Variants in CACNA2D4 observed in about 807,000 individuals in gnomAD.
The protein encoded by CACNA2D4 is calcium voltage-gated channel auxiliary subunit alpha2delta 4.
A neutral mutation model predicts 163.8 loss-of-function variants in CACNA2D4; 157 were observed. That is an observed-to-expected ratio of 0.96 (90% CI 0.84 to 1.09). The LOEUF (loss-of-function observed/expected upper bound fraction) is 1.09. Among genes scored for constraint, CACNA2D4 ranks in the 50% least tolerant of loss-of-function variants. The pLI is 0.00. For synonymous variants in CACNA2D4, 598 were observed against 586.9 expected, an observed-to-expected ratio of 1.02 and a Z score of -0.27; for missense variants, 1,410 against 1,479.9, an observed-to-expected ratio of 0.95 and a Z score of 0.78.
chr12:1,863,423 T>C (rs1490793271), intron 18 of CACNA2D4, among the ~76,000 whole-genome samples: 4 of 152,256 alleles, frequency 2.6e-5, no homozygotes, highest in African/African-American at 9.6e-5. Flanking sequence ...CTCTGCATTT[T>C]CATATAAATT....
At chr12:1,831,411 C>A (rs139602525) in intron 26 of CACNA2D4, 393 of 1,614,054 alleles carry the variant, frequency 2.4e-4, no homozygotes, top group Non-Finnish European at 3.1e-4. Flanking sequence ...TCTGGACCGG[C>A]TGACATTTGA....
intron 16 of CACNA2D4, among the ~76,000 whole-genome samples, chr12:1,876,010 G>A (rs1865873187): frequency 6.6e-6 from 1 of 152,184 alleles, no homozygotes; most frequent in African/African-American, 2.4e-5. Flanking sequence ...GGCAGTTCAG[G>A]CGGAGATTTC....
chr12:1,864,903 C>G (rs1256801202), intron 18 of CACNA2D4, among the ~76,000 whole-genome samples: 1 of 152,170 alleles, frequency 6.6e-6, no homozygotes, highest in Non-Finnish European at 1.5e-5. Context: ...CTGGATTCCT[C>G]GTAGGAAAAT....
chr12:1,825,666 G>T (rs1294642716), intron 26 of CACNA2D4, among the ~76,000 whole-genome samples: 1 of 152,234 alleles, frequency 6.6e-6, no homozygotes, highest in Non-Finnish European at 1.5e-5. Context: ...CTCTCTGTGG[G>T]TGTGTGTTTG....
chr12:1,909,693 T>C (rs968542045), intron 4 of CACNA2D4, among the ~76,000 whole-genome samples: 2 of 152,266 alleles, frequency 1.3e-5, no homozygotes, highest in African/African-American at 4.8e-5. Context: ...TGATGTGCTT[T>C]ATACCGGAGT....
intron 23 of CACNA2D4, among the ~76,000 whole-genome samples, chr12:1,853,677 T>G (rs1328792548): frequency 6.6e-6 from 1 of 152,230 alleles, no homozygotes; most frequent in East Asian, 1.9e-4. Context: ...TGACCTTACC[T>G]GCTGGAAACC....
chr12:1,897,681 A>G (rs180894167), intron 6 of CACNA2D4, among the ~76,000 whole-genome samples: 2 of 152,352 alleles, frequency 1.3e-5, no homozygotes, highest in Admixed American at 1.3e-4. Flanking sequence ...AAGTTCGTAA[A>G]TAAAGGGATA....
chr12:1,833,018 G>A lies in CACNA2D4; in HGVS notation c.2551+7721C>T, dbSNP rs1478566487. On this transcript the variant is annotated intron_variant, in intron 26 of 37. Transcript: ENST00000382722. The surrounding 1 kb of genome is among the most constrained non-coding windows in gnomAD (Gnocchi z 4.2). ...AGGCCACCGAGGTGTCAGCCGCACA[G>A]GGGAACTAGGCCGGGTGTCTTCAGA... Among the ~76,000 whole-genome samples, 1 of 152,192 alleles carries A rather than the reference G, an allele frequency of 6.6e-6. No homozygotes were observed. The highest frequency in any genetic ancestry group is 1.5e-5 in the Non-Finnish European group (1 of 68,038).
At chr12:1,825,742 T>C (rs1437529725) in intron 26 of CACNA2D4, among the ~76,000 whole-genome samples, 2 of 152,180 alleles carry the variant, frequency 1.3e-5, no homozygotes, top group Admixed American at 6.5e-5. Flanking sequence ...CCCTGCTCTG[T>C]GCACACGTAA....
In CACNA2D4 at chr12:1,799,898, A is replaced by G; in HGVS notation, c.2974+102T>C. The G allele has an allele frequency of 3.0e-6, 4 of 1,348,564 alleles. No homozygotes were observed. In the South Asian group the frequency reaches 5.1e-5, roughly 17 times the overall value. 83.5% of individuals were successfully genotyped at this position (1,348,564 alleles called of 1,614,324 possible). On this transcript the variant is annotated intron_variant, in intron 33 of 37. Coordinates refer to ENST00000382722, the MANE Select transcript of CACNA2D4 (RefSeq NM_172364.5). This position sits in a 1 kb window ranked among gnomAD's most constrained non-coding sequence, Gnocchi z 4.7. ...ATGTGAACAACGATGCTTCAGGGTC[A>G]CCTATCCCCACTGTCACCCACCCCA...
At chr12:1,811,583 A>G in intron 27 of CACNA2D4, 79 bp downstream of exon 27, 3 of 1,414,106 alleles carry the variant, frequency 2.1e-6, no homozygotes, top group Non-Finnish European at 2.9e-6. Context: ...TGGAGCATCC[A>G]AGGGGAGGGA....
intron 5 of CACNA2D4, 37 bp downstream of exon 5, chr12:1,907,838 G>A (rs1161287095): frequency 8.7e-6 from 14 of 1,611,214 alleles, no homozygotes; most frequent in Non-Finnish European, 1.0e-5. Context: ...AGGTGGGCGT[G>A]CCTGGTGAGT....
chr12:1,842,073 A>G (rs1288661753), intron 25 of CACNA2D4, among the ~76,000 whole-genome samples: 1 of 152,182 alleles, frequency 6.6e-6, no homozygotes, highest in African/African-American at 2.4e-5. Flanking sequence ...CCCAGCCAGC[A>G]GAGGCTTGTA....
chr12:1,872,089 G>A (rs767756483), intron 18 of CACNA2D4, among the ~76,000 whole-genome samples: 14 of 152,168 alleles, frequency 9.2e-5, no homozygotes, highest in African/African-American at 1.4e-4. Flanking sequence ...TGGGAGGCCC[G>A]CCAGCCAAAA....
At chr12:1,831,625 C>T (rs1864635330) in intron 26 of CACNA2D4, 1 of 1,064,610 alleles carries the variant, frequency 9.4e-7, no homozygotes, top group South Asian at 1.5e-5. Flanking sequence ...AGAGAGCAGG[C>T]CAGGGGAAAG....
chr12:1,799,746 G>C lies in CACNA2D4; in HGVS notation c.2975-51C>G. On this transcript the variant is annotated intron_variant, in intron 33 of 37. Coordinates refer to ENST00000382722, the MANE Select transcript of CACNA2D4 (RefSeq NM_172364.5). The surrounding 1 kb of genome is among the most constrained non-coding windows in gnomAD (Gnocchi z 4.7). Reference sequence around the variant, plus strand: ...GGGTGGACACGGCACAGGAAAACATGGTGGCACATGAGGGCAGGATGTCAT... The same window carrying C: ...GGGTGGACACGGCACAGGAAAACATCGTGGCACATGAGGGCAGGATGTCAT... The C allele has an allele frequency of 6.4e-7, 1 of 1,558,302 alleles. No individual in the cohort carries two copies. Among genetic ancestry groups the C allele is most frequent in the Non-Finnish European group, 8.7e-7 (1 of 1,150,712 alleles).
At chr12:1,908,532 G>A (rs1188919667) in intron 4 of CACNA2D4, among the ~76,000 whole-genome samples, 1 of 152,000 alleles carries the variant, frequency 6.6e-6, no homozygotes, top group African/African-American at 2.4e-5. Flanking sequence ...TGGAGGGCGT[G>A]CTAGGATTGC....
chr12:1,840,096 C>T (rs947443134), intron 26 of CACNA2D4, among the ~76,000 whole-genome samples: 1 of 152,164 alleles, frequency 6.6e-6, no homozygotes, highest in African/African-American at 2.4e-5. Flanking sequence ...TCTGGTTGAA[C>T]AGGTATGGGC....
At chr12:1,906,558 A>G (rs758391742) in intron 6 of CACNA2D4, among the ~76,000 whole-genome samples, 1 of 152,220 alleles carries the variant, frequency 6.6e-6, no homozygotes, top group Non-Finnish European at 1.5e-5. Context: ...TTGTTTACAT[A>G]TAAGTTGGTG....
Sources: allele counts gnomAD v4.1 joint callset (sites outside exome capture counted in the v4.1 genomes callset), GRCh38; gene constraint gnomAD v4.1.1; non-coding constraint Gnocchi (gnomAD v3.1); transcripts MANE v1.5; gene names NCBI Gene and HGNC (gene_info 2026-07-23, HGNC 2026-07-21).